Variants in FMN2 observed in about 807,000 individuals in gnomAD.
FMN2 encodes formin-2.
A neutral mutation model predicts 142.3 loss-of-function variants in FMN2; 51 were observed. The ratio of observed to expected loss-of-function variants is 0.36; its 90% CI spans 0.29 to 0.45. FMN2 has a LOEUF of 0.45. Among genes scored for constraint, FMN2 ranks in the 20% least tolerant of loss-of-function variants. FMN2 has a pLI of 1.00. For missense variants in FMN2, 1,936 were observed against 2,122.8 expected, an observed-to-expected ratio of 0.91 and a Z score of 1.73; for synonymous variants, 882 against 869.8, an observed-to-expected ratio of 1.01 and a Z score of -0.25.
At chr1:240,273,664 G>T (rs1271825166) in intron 7 of FMN2, among the ~76,000 whole-genome samples, 1 of 146,704 alleles carries the variant, frequency 6.8e-6, no homozygotes, top group Admixed American at 7.1e-5. Flanking sequence ...AAAGGCAGAG[G>T]GGGCAGAGAC....
chr1:240,174,169 T>C (rs1046558056), intron 2 of FMN2, among the ~76,000 whole-genome samples: 2 of 152,160 alleles, frequency 1.3e-5, no homozygotes, highest in Admixed American at 1.3e-4. Context: ...CATGCTGTTG[T>C]GGCCAATTTG....
chr1:240,280,077 A>T (rs999757494), intron 7 of FMN2, among the ~76,000 whole-genome samples: 1 of 151,922 alleles, frequency 6.6e-6, no homozygotes, highest in Admixed American at 6.6e-5. Context: ...TGATCTTCTC[A>T]GTCATATGTT....
intron 1 of FMN2, among the ~76,000 whole-genome samples, chr1:240,122,396 G>T (rs1337155131): frequency 6.6e-6 from 1 of 152,012 alleles, no homozygotes; most frequent in Non-Finnish European, 1.5e-5. Context: ...CAATTCTCTT[G>T]CCTCAGCCTC....
chr1:240,218,062 A>G (rs1666970368), intron 6 of FMN2, among the ~76,000 whole-genome samples: 1 of 152,032 alleles, frequency 6.6e-6, no homozygotes, highest in African/African-American at 2.4e-5. Flanking sequence ...AGGTGGGCGG[A>G]TCACAAGGTC....
At chr1:240,280,860 G>A (rs546025283) in intron 7 of FMN2, among the ~76,000 whole-genome samples, 32 of 152,120 alleles carry the variant, frequency 2.1e-4, no homozygotes, top group Admixed American at 1.7e-3. Flanking sequence ...GCGCCGAGTC[G>A]TACCCAGTGT....
At chr1:240,296,741 A>G (rs187228031) in intron 8 of FMN2, among the ~76,000 whole-genome samples, 6 of 152,002 alleles carry the variant, frequency 3.9e-5, no homozygotes, top group African/African-American at 7.2e-5. Context: ...AAGACAAAAT[A>G]TGTCTCATGG....
intron 16 of FMN2, among the ~76,000 whole-genome samples, chr1:240,468,745 A>C (rs1264481292): frequency 6.6e-6 from 1 of 152,178 alleles, no homozygotes; most frequent in Non-Finnish European, 1.5e-5. Flanking sequence ...TGGATGGAAC[A>C]CGTACAAACA....
At chr1:240,271,525 A>T (rs1008072398) in intron 7 of FMN2, among the ~76,000 whole-genome samples, 1 of 150,588 alleles carries the variant, frequency 6.6e-6, no homozygotes, top group Non-Finnish European at 1.5e-5. Context: ...CTCACATGGG[A>T]TATAGAATTT....
chr1:240,396,211 A>G (rs1673765232), intron 15 of FMN2, among the ~76,000 whole-genome samples: 1 of 152,320 alleles, frequency 6.6e-6, no homozygotes, highest in East Asian at 1.9e-4. Context: ...TATATGCACT[A>G]GGAAACCAGA....
intron 14 of FMN2, among the ~76,000 whole-genome samples, chr1:240,361,482 G>A (rs1672480387): frequency 2.0e-5 from 3 of 152,116 alleles, no homozygotes; most frequent in South Asian, 4.1e-4. Context: ...AGTGGGGATG[G>A]TGCTGAAGAG....
In FMN2 at chr1:240,392,525, G is replaced by A. The variant is rs200959613; in HGVS notation, c.4873G>A (p.Glu1625Lys). ...QFIIQAKIDQ[E>K]AEENSLTETH... ...TGCACTTTCAGCCAAAATTGACCAA[G>A]AGGCAGAGGAAAATTCACTGACAGA... The change falls in exon 15 of 18, where the codon GAG (glutamate) becomes AAG (lysine). Residue 1625 changes from glutamate (E) to lysine (K), a missense_variant. Glu to Lys is a moderately conservative substitution (Grantham distance 56). This residue lies in a region of FMN2 where 322 missense variants were observed against 401.6 expected (regional missense o/e 0.80). Coordinates refer to ENST00000319653, the MANE Select transcript of FMN2 (RefSeq NM_020066.5). 9 of 1,609,732 alleles carry A rather than the reference G, an allele frequency of 5.6e-6. No homozygotes were observed. The Admixed American group carries it at 8.4e-5, about 15-fold the overall frequency.
intron 2 of FMN2, chr1:240,142,566 G>A (rs1297369444): frequency 8.4e-7 from 1 of 1,186,978 alleles, no homozygotes; most frequent in African/African-American, 1.5e-5. Flanking sequence ...AAGAGCAGGA[G>A]GCAACAATTC....
At chr1:240,222,469 T>G (rs1316523966) in intron 6 of FMN2, among the ~76,000 whole-genome samples, 2 of 151,920 alleles carry the variant, frequency 1.3e-5, no homozygotes, top group Non-Finnish European at 2.9e-5. Flanking sequence ...CTTGGCTATA[T>G]GGGCTCTTTT....
Position 240,187,511 on chromosome 1 carries a change from G to A in FMN2, c.1931-696G>A, listed in dbSNP as rs115830561. Among the ~76,000 whole-genome samples, 824 of 152,230 alleles carry A rather than the reference G, an allele frequency of 5.4e-3. 11 individuals are homozygous for A. Among genetic ancestry groups the A allele is most frequent in the African/African-American group, 0.019 (794 of 41,552 alleles). ...TTTCAGGCTCTGATTCATGGAGCAT[G>A]AGGAATTCCTTGAAGGCCCTTTCAT... On this transcript the variant is annotated intron_variant, in intron 3 of 17. Transcript: ENST00000319653.
intron 5 of FMN2, among the ~76,000 whole-genome samples, chr1:240,210,328 C>A (rs538885032): frequency 2.0e-4 from 30 of 152,014 alleles, no homozygotes; most frequent in Non-Finnish European, 4.0e-4. Context: ...GTGTGAATTT[C>A]CTTTGTGTGA....
At chr1:240,165,506 A>T (rs1664444583) in intron 2 of FMN2, among the ~76,000 whole-genome samples, 1 of 152,118 alleles carries the variant, frequency 6.6e-6, no homozygotes, top group Non-Finnish European at 1.5e-5. Context: ...ATCTTCTTGG[A>T]GAGATTTAAC....
At chr1:240,159,804 G>A (rs1651017869) in intron 2 of FMN2, among the ~76,000 whole-genome samples, 1 of 150,750 alleles carries the variant, frequency 6.6e-6, no homozygotes, top group Non-Finnish European at 1.5e-5. Context: ...AAGTCATGGT[G>A]GTATGAATGT....
rs141581577 is a variant in FMN2, at chr1:240,264,618, G to A, written c.4153+6586G>A. ...CATTGTTCAACTCCCACTTATGAGT[G>A]AGAACATGTGGTGTTCAGTTGTCTG... On this transcript the variant is annotated intron_variant, in intron 7 of 17. Coordinates refer to ENST00000319653, the MANE Select transcript of FMN2 (RefSeq NM_020066.5). Among the ~76,000 whole-genome samples the A allele has an allele frequency of 9.2e-3, 1,402 of 152,198 alleles. 29 individuals carry two copies. Among genetic ancestry groups the A allele is most frequent in the African/African-American group, 0.032 (1,336 of 41,532 alleles).
At chr1:240,146,574 T>C (rs1663490492) in intron 2 of FMN2, among the ~76,000 whole-genome samples, 1 of 151,300 alleles carries the variant, frequency 6.6e-6, no homozygotes, top group Admixed American at 6.6e-5. Context: ...CGTGGTGGCA[T>C]GCAACTCTAG....
Sources: allele counts gnomAD v4.1 joint callset (sites outside exome capture counted in the v4.1 genomes callset), GRCh38; gene constraint gnomAD v4.1.1; regional missense constraint gnomAD v4.1.1; transcripts MANE v1.5; gene names NCBI Gene and HGNC (gene_info 2026-07-23, HGNC 2026-07-21).